MYO3B: variants seen among roughly 807,000 people sequenced by gnomAD.
MYO3B encodes myosin IIIB.
A neutral mutation model predicts 174.6 loss-of-function variants in MYO3B; 156 were observed. The ratio of observed to expected loss-of-function variants is 0.89; its 90% CI spans 0.78 to 1.02. The LOEUF (loss-of-function observed/expected upper bound fraction) is 1.02. Ranked by LOEUF, MYO3B falls within the 50% of genes least tolerant of loss-of-function variation. The pLI is 0.00. For missense variants in MYO3B, 1,632 were observed against 1,639.4 expected, an observed-to-expected ratio of 1.00 and a Z score of 0.08; for synonymous variants, 563 against 569.1, an observed-to-expected ratio of 0.99 and a Z score of 0.15.
intron 23 of MYO3B, among the ~76,000 whole-genome samples, chr2:170,449,273 A>T (rs1683444643): frequency 1.3e-5 from 2 of 152,206 alleles, no homozygotes; most frequent in African/African-American, 2.4e-5. Context: ...AAGCCTGGTA[A>T]AATAACCAGT....
chr2:170,560,883 G>A (rs1189971583), intron 32 of MYO3B, among the ~76,000 whole-genome samples: 5 of 152,326 alleles, frequency 3.3e-5, no homozygotes, highest in South Asian at 2.1e-4. Flanking sequence ...TGGGGGTACC[G>A]ACGGGGGACA....
chr2:170,475,097 C>G (rs1016867857), intron 25 of MYO3B, among the ~76,000 whole-genome samples: 7 of 152,170 alleles, frequency 4.6e-5, no homozygotes, highest in African/African-American at 1.7e-4. Context: ...AAAACTCAGT[C>G]TATTCTGGCC....
chr2:170,317,464 TA>T (rs2093784082), intron 7 of MYO3B, among the ~76,000 whole-genome samples: 2 of 114,486 alleles, frequency 1.7e-5, no homozygotes, highest in Non-Finnish European at 4.2e-5. Context: ...CAAAGGGCTG[TA>T]AACTCTGTTT....
intron 30 of MYO3B, among the ~76,000 whole-genome samples, chr2:170,542,189 T>TGAAAG (rs1438105618): frequency 6.8e-4 from 104 of 152,356 alleles, no homozygotes; most frequent in Middle Eastern, 3.4e-3. Context: ...CTTTCCACTC[T>TGAAAG]GCTGGTTCCA....
intron 7 of MYO3B, among the ~76,000 whole-genome samples, chr2:170,294,231 C>T (rs7569361): frequency 0.67 from 101,922 of 151,542 alleles, 34,420 homozygotes; most frequent in Admixed American, 0.73. Context: ...ATATACTGTT[C>T]TCTTTGGGCT....
chr2:170,236,214 A>G, intron 7 of MYO3B, 78 bp downstream of exon 7: 2 of 1,576,722 alleles, frequency 1.3e-6, no homozygotes, highest in South Asian at 1.1e-5. Flanking sequence ...AATAGTTTGC[A>G]AGCAATTTCT....
chr2:170,466,576 A>C lies in MYO3B; in HGVS notation c.2879A>C (p.Asn960Thr). The C allele has an allele frequency of 6.2e-7, 1 of 1,614,192 alleles. No individual in the cohort carries two copies. The highest frequency in any genetic ancestry group is 8.5e-7 in the Non-Finnish European group (1 of 1,180,016). ...CACTTTGTGCGCTGCATTAAACCCA[A>C]TGATGACCGAGAGGCCCTGCAGTTC... ...QPHFVRCIKPNDDREALQFSR... is the reference protein window; with the variant it reads ...QPHFVRCIKPTDDREALQFSR... Residue 960 changes from asparagine (N) to threonine (T), a missense_variant, in exon 25 of 35, where the codon AAT becomes ACT. By Grantham distance (65) the Asn-to-Thr change is moderately conservative. Transcript: ENST00000408978.
intron 3 of MYO3B, among the ~76,000 whole-genome samples, chr2:170,204,564 A>G (rs1326510331): frequency 6.6e-6 from 1 of 152,264 alleles, no homozygotes; most frequent in Non-Finnish European, 1.5e-5. Context: ...GATTGAATCA[A>G]TATTCAATGA....
rs765463329 is a variant in MYO3B at position 170,200,190 on chromosome 2, A to G, written c.227A>G (p.Gln76Arg). 2 of 1,613,438 alleles carry G rather than the reference A, an allele frequency of 1.2e-6. No homozygotes were observed. The highest frequency in any genetic ancestry group is 2.2e-5 in the East Asian group (1 of 44,882). Residue 76 changes from glutamine (Q) to arginine (R), a missense_variant, in exon 3 of 35, where the codon CAG (glutamine) becomes CGG (arginine). Gln to Arg is a conservative substitution (Grantham distance 43). Coordinates refer to ENST00000408978, the MANE Select transcript of MYO3B (RefSeq NM_138995.5). Reference sequence around the variant, plus strand: ...ATTGAGGCAGAATACAACATTTTGCAGTTCCTTCCTAATCATCCCAATGTT... The same window carrying G: ...ATTGAGGCAGAATACAACATTTTGCGGTTCCTTCCTAATCATCCCAATGTT... Reference protein sequence around the residue: ...EEIEAEYNILQFLPNHPNVVK... With the variant: ...EEIEAEYNILRFLPNHPNVVK...
intron 23 of MYO3B, among the ~76,000 whole-genome samples, chr2:170,457,912 G>A (rs766207405): frequency 1.2e-4 from 18 of 152,100 alleles, no homozygotes; most frequent in Admixed American, 5.2e-4. Context: ...CCACCACTAC[G>A]CCTGGCTAAG....
chr2:170,653,076 C>CT lies in MYO3B; in HGVS notation c.3988dup (p.Ser1330PhefsTer18). The CT allele has an allele frequency of 6.2e-7, 1 of 1,614,140 alleles. No homozygotes were observed. Among genetic ancestry groups the CT allele is most frequent in the Non-Finnish European group, 8.5e-7 (1 of 1,180,022 alleles). ...AGGAGAACAACTCAGCCCACCCTTCCTTTTTTTCTTCATCCTCAAAAGGAG... is the reference window on the plus strand; with the variant it reads ...AGGAGAACAACTCAGCCCACCCTTCCTTTTTTTTCTTCATCCTCAAAAGGAG... On this transcript the variant is annotated frameshift_variant, in exon 35 of 35. Coordinates refer to ENST00000408978, the MANE Select transcript of MYO3B (RefSeq NM_138995.5). LOFTEE classifies it high-confidence loss of function.
intron 8 of MYO3B, among the ~76,000 whole-genome samples, chr2:170,368,528 T>C (rs1364215988): frequency 1.3e-5 from 2 of 152,242 alleles, no homozygotes; most frequent in African/African-American, 2.4e-5. Flanking sequence ...CAGAAAGTAG[T>C]TATGCCGGTA....
rs1689457436 is a variant in MYO3B at position 170,532,999 on chromosome 2, T to C, written c.3576-9907T>C. 2.0e-5 allele frequency among the ~76,000 whole-genome samples: 3 copies of C among 152,284 alleles called. No individual in the cohort carries two copies. The South Asian group carries it at 6.2e-4, about 32-fold the overall frequency. ...ACTATTCTTGCATCTTTTCTATTAA[T>C]ATAATTAAATCAAAATAAAAAGTTG... On this transcript the variant is annotated intron_variant, in intron 30 of 34. Transcript: ENST00000408978.
intron 32 of MYO3B, among the ~76,000 whole-genome samples, chr2:170,572,001 TGGA>T (rs1169684924): frequency 6.6e-6 from 1 of 151,854 alleles, no homozygotes; most frequent in Non-Finnish European, 1.5e-5. Flanking sequence ...GATAGAGAGG[TGGA>T]GGAAGCATTC....
intron 32 of MYO3B, among the ~76,000 whole-genome samples, chr2:170,558,389 A>C (rs1279718373): frequency 6.6e-6 from 1 of 152,154 alleles, no homozygotes. Flanking sequence ...CCGAGATCAC[A>C]AAACAGTCCT....
At chr2:170,402,654 A>T (rs1172612395) in intron 18 of MYO3B, among the ~76,000 whole-genome samples, 194 bp from the exon 19 acceptor site, 1 of 152,186 alleles carries the variant, frequency 6.6e-6, no homozygotes, top group Non-Finnish European at 1.5e-5. Context: ...GAAGTTGAAA[A>T]TACTATTGAA....
Position 170,468,446 on chromosome 2 carries a change from ATGT to A in MYO3B, c.3014+1741_3014+1743del, listed in dbSNP as rs374072352. On this transcript the variant is annotated intron_variant, in intron 25 of 34. Coordinates refer to ENST00000408978, the MANE Select transcript of MYO3B (RefSeq NM_138995.5). Reference sequence around the variant, plus strand: ...TACACCTGGTGGTGTTCTTGGGATCATGTTGTTGGGTTCCAGAAAGGGGAAAGA... The same window carrying A: ...TACACCTGGTGGTGTTCTTGGGATCATGTTGGGTTCCAGAAAGGGGAAAGA... Among the ~76,000 whole-genome samples the A allele has an allele frequency of 1.3e-3, 205 of 152,304 alleles. 5 individuals are homozygous for A. The South Asian group carries it at 0.041, about 31-fold the overall frequency.
chr2:170,215,570 A>G (rs1172859980), intron 5 of MYO3B, among the ~76,000 whole-genome samples: 1 of 152,196 alleles, frequency 6.6e-6, no homozygotes, highest in Non-Finnish European at 1.5e-5. Context: ...TGTTTTTTTA[A>G]AAGAATATTT....
intron 32 of MYO3B, among the ~76,000 whole-genome samples, chr2:170,557,524 AG>A (rs1691415239): frequency 6.6e-6 from 1 of 152,182 alleles, no homozygotes; most frequent in African/African-American, 2.4e-5. Flanking sequence ...GAGGGCTGGG[AG>A]ATAATAAAAT....
Sources: gnomAD v4.1 joint callset for allele counts (sites outside exome capture counted in the v4.1 genomes callset) on GRCh38, gnomAD v4.1.1 for gene constraint, MANE v1.5 for transcripts, NCBI Gene and HGNC (gene_info 2026-07-23, HGNC 2026-07-21) for gene names.